TYRP1: variants seen among roughly 807,000 people sequenced by gnomAD.
The protein encoded by TYRP1 is tyrosinase related protein 1, also known as 5,6-dihydroxyindole-2-carboxylic acid oxidase.
In TYRP1, 49 loss-of-function variants were observed where a neutral mutation model predicts 42.8. The ratio of observed to expected loss-of-function variants is 1.14; its 90% CI spans 0.91 to 1.45. TYRP1 has a LOEUF of 1.45. Ranked by LOEUF, TYRP1 falls within the 40% of genes most tolerant of loss-of-function variation. TYRP1 has a pLI of 0.00. For synonymous variants in TYRP1, 279 were observed against 235.4 expected (o/e 1.19, Z -1.69); for missense variants, 848 against 662.0 (o/e 1.28, Z -3.08).
chr9:12,706,621 TATAGG>T (rs1441277521), intron 6 of TYRP1, among the ~76,000 whole-genome samples: 1 of 151,936 alleles, frequency 6.6e-6, no homozygotes, highest in Non-Finnish European at 1.5e-5. Flanking sequence ...GCCATAAAAT[TATAGG>T]ATAGGTCAAT....
At chr9:12,708,205 A>G in intron 7 of TYRP1, 62 bp downstream of exon 7, 2 of 1,580,458 alleles carry the variant, frequency 1.3e-6, no homozygotes, top group South Asian at 1.1e-5. Flanking sequence ...TTATCTTTCA[A>G]GTAGAGTAAT....
chr9:12,704,851 A>AT, intron 6 of TYRP1, 146 bp downstream of exon 6: 2 of 784,066 alleles, frequency 2.6e-6, no homozygotes, highest in South Asian at 3.1e-5. Flanking sequence ...ACTTCCAGAC[A>AT]TTCAATTCTA....
intron 7 of TYRP1, among the ~76,000 whole-genome samples, chr9:12,708,503 C>G (rs140994405): frequency 6.6e-6 from 1 of 151,848 alleles, no homozygotes. Context: ...ATGGAATATG[C>G]CCCAATTTTT....
At chr9:12,696,607 A>G (rs1342062382) in intron 3 of TYRP1, among the ~76,000 whole-genome samples, 1 of 152,142 alleles carries the variant, frequency 6.6e-6, no homozygotes, top group Non-Finnish European at 1.5e-5. Context: ...ATTTGGCACA[A>G]AGTGAACCTC....
intron 4 of TYRP1, among the ~76,000 whole-genome samples, chr9:12,699,223 G>A (rs1444898885): frequency 2.0e-5 from 3 of 152,026 alleles, no homozygotes; most frequent in African/African-American, 4.8e-5. Flanking sequence ...GTAAGAGTAC[G>A]CCTAATCAGT....
intron 3 of TYRP1, among the ~76,000 whole-genome samples, chr9:12,696,171 T>TTCTC (rs1203904592): frequency 2.0e-5 from 3 of 152,188 alleles, no homozygotes; most frequent in Admixed American, 6.5e-5. Flanking sequence ...CATGTCTTCC[T>TTCTC]TCTCTACTAA....
intron 2 of TYRP1, chr9:12,694,586 A>G (rs1485915159): frequency 3.1e-6 from 2 of 636,376 alleles, no homozygotes; most frequent in Non-Finnish European, 2.7e-6. Flanking sequence ...CTTCTGATCA[A>G]TATTTTATTC....
rs1818324272 is a variant in TYRP1, at chr9:12,709,586, A to ACT, written c.*405_*406insTC. 1 of 184,500 alleles carries ACT rather than the reference A, an allele frequency of 5.4e-6. No homozygotes were observed. The highest frequency in any genetic ancestry group is 5.4e-5 in the Admixed American group (1 of 18,412). 11.4% of individuals were successfully genotyped at this position (184,500 alleles called of 1,614,324 possible). A position where few individuals can be genotyped will look rare whatever the true frequency, so the allele number is the denominator to read the frequency against. On this transcript the variant is annotated 3_prime_UTR_variant, in exon 8 of 8. Transcript: ENST00000388918. ...ATTTCTAAAATGTTAAAACATAAAC[A>ACT]CATTTCCATTCATGGATATTTGTCA...
chr9:12,701,554 C>T (rs1358472367), intron 4 of TYRP1: 1 of 151,902 alleles, frequency 6.6e-6, no homozygotes, highest in Non-Finnish European at 1.5e-5. Context: ...GAAAATTTTT[C>T]TTAATCCTAT....
chr9:12,693,912 C>G lies in TYRP1; in HGVS notation c.-85C>G. The G allele has an allele frequency of 6.4e-7, 1 of 1,572,036 alleles. No individual in the cohort carries two copies. On this transcript the variant is annotated splice_region_variant and 5_prime_UTR_variant, in exon 2 of 8. Transcript: ENST00000388918. ...TCTCATTTTACTTTCTCTTTTTCAG[C>G]TGGATTTTCCTCTACGTGCTTCAGT...
At chr9:12,708,492 C>T (rs1459625307) in intron 7 of TYRP1, among the ~76,000 whole-genome samples, 2 of 151,890 alleles carry the variant, frequency 1.3e-5, no homozygotes. Context: ...AGCTTAGGCC[C>T]ATGGAATATG....
intron 4 of TYRP1, chr9:12,700,354 C>T (rs1347403801): frequency 6.6e-6 from 1 of 152,004 alleles, no homozygotes; most frequent in Non-Finnish European, 1.5e-5. Flanking sequence ...CATAGTATTT[C>T]TCCAATATTC....
At chr9:12,700,545 T>A (rs1818150128) in intron 4 of TYRP1, 1 of 152,106 alleles carries the variant, frequency 6.6e-6, no homozygotes, top group African/African-American at 2.4e-5. Context: ...TATTTTTATG[T>A]GGAAATTCCA....
At chr9:12,705,849 A>G (rs1818249623) in intron 6 of TYRP1, among the ~76,000 whole-genome samples, 2 of 152,016 alleles carry the variant, frequency 1.3e-5, no homozygotes, top group South Asian at 2.1e-4. Context: ...TTAGTTTTCA[A>G]TCAGTTATGA....
chr9:12,695,935 T>C (rs1586841464), intron 3 of TYRP1, 98 bp downstream of exon 3: 1 of 1,379,328 alleles, frequency 7.2e-7, no homozygotes. Flanking sequence ...ATCAGAACAT[T>C]TGATGAAAAA....
intron 5 of TYRP1, 122 bp from the exon 6 acceptor site, chr9:12,704,404 T>C: frequency 9.8e-7 from 1 of 1,015,296 alleles, no homozygotes; most frequent in Non-Finnish European, 1.5e-6. Flanking sequence ...GCTGTTATAT[T>C]AAGGCAAAAA....
In TYRP1 at chr9:12,702,563, A is replaced by AT. The variant is rs1407573385; in HGVS notation, c.1081+129dup. On this transcript the variant is annotated intron_variant, in intron 5 of 7. Coordinates refer to ENST00000388918, the MANE Select transcript of TYRP1 (RefSeq NM_000550.3). ...AATCCTGTGTGTTTATGTGAATGAG[A>AT]TTTTCTATTATGATACACCTGCTTG... 5 of 995,196 alleles carry AT rather than the reference A, an allele frequency of 5.0e-6. No homozygotes were observed. In the African/African-American group the frequency reaches 8.1e-5, roughly 16 times the overall value. 61.6% of individuals were successfully genotyped at this position (995,196 alleles called of 1,614,324 possible). A position where few individuals can be genotyped will look rare whatever the true frequency, so the allele number is the denominator to read the frequency against.
chr9:12,709,327 T>A lies in TYRP1; in HGVS notation c.*145T>A, dbSNP rs1351898655. On this transcript the variant is annotated 3_prime_UTR_variant, in exon 8 of 8. Transcript: ENST00000388918. ...TAGCATTAAAGTTCTAGGCATACTT[T>A]TCAAAGCTGGGAAGACCCTTTCAGA... The A allele has an allele frequency of 5.8e-6, 5 of 860,528 alleles. No individual in the cohort carries two copies. The highest frequency in any genetic ancestry group is 9.3e-6 in the Non-Finnish European group (5 of 539,816). 53.3% of individuals were successfully genotyped at this position (860,528 alleles called of 1,614,324 possible).
intron 6 of TYRP1, 83 bp from the exon 7 acceptor site, chr9:12,707,914 T>A (rs2118271994): frequency 7.3e-7 from 1 of 1,369,840 alleles, no homozygotes; most frequent in Non-Finnish European, 1.0e-6. Context: ...TCTCCTTGAA[T>A]ATTGGATGCC....
Sources: allele counts gnomAD v4.1 joint callset (sites outside exome capture counted in the v4.1 genomes callset), GRCh38; gene constraint gnomAD v4.1.1; transcripts MANE v1.5; gene names NCBI Gene and HGNC (gene_info 2026-07-23, HGNC 2026-07-21).